The following DPF3 variants were observed in gnomAD, a reference collection of about 807,000 sequenced individuals.
DPF3 encodes zinc finger protein DPF3.
In DPF3, 18 loss-of-function variants were observed where a neutral mutation model predicts 56.8. The observed-to-expected ratio is 0.32, with a 90% CI of 0.22 to 0.47. DPF3 has a LOEUF of 0.47. DPF3 is among the 20% of genes least tolerant of loss of function. The pLI is 1.00. For missense variants in DPF3, 403 were observed against 488.8 expected (o/e 0.82, Z 1.65); for synonymous variants, 188 against 180.2 (o/e 1.04, Z -0.35).
chr14:72,764,601 G>C (rs1035088933), intron 2 of DPF3, among the ~76,000 whole-genome samples: 2 of 138,870 alleles, frequency 1.4e-5, no homozygotes, highest in African/African-American at 5.3e-5. Context: ...CCATTCTCCT[G>C]CCTCAGCCTC....
At chr14:72,822,716 A>AT (rs922298512) in intron 1 of DPF3, among the ~76,000 whole-genome samples, 19 of 151,722 alleles carry the variant, frequency 1.3e-4, no homozygotes, top group East Asian at 9.7e-4. Flanking sequence ...AAAAACACAG[A>AT]TTTTTTTTTA....
intron 1 of DPF3, among the ~76,000 whole-genome samples, chr14:72,816,307 A>G (rs80222747): frequency 6.6e-6 from 1 of 152,178 alleles, no homozygotes; most frequent in African/African-American, 2.4e-5. Flanking sequence ...CCTTAATAAG[A>G]TTGACATTTG....
intron 8 of DPF3, among the ~76,000 whole-genome samples, chr14:72,673,807 C>T (rs1886792091): frequency 6.6e-6 from 1 of 152,186 alleles, no homozygotes; most frequent in South Asian, 2.1e-4. Flanking sequence ...TGTGGTTGCT[C>T]TCCGAATACT....
intron 1 of DPF3, among the ~76,000 whole-genome samples, chr14:72,827,887 G>A (rs1163820526): frequency 6.6e-6 from 1 of 152,100 alleles, no homozygotes; most frequent in Non-Finnish European, 1.5e-5. Context: ...AAGAGCTTTA[G>A]GCTGTAGTAA....
chr14:72,824,358 A>C (rs1883688907), intron 1 of DPF3, among the ~76,000 whole-genome samples: 1 of 152,120 alleles, frequency 6.6e-6, no homozygotes, highest in Non-Finnish European at 1.5e-5. Context: ...GGACACTTTC[A>C]CGTGTCCACA....
chr14:72,662,258 TG>T, intron 8 of DPF3: 32 of 985,410 alleles, frequency 3.2e-5, no homozygotes, highest in Non-Finnish European at 3.9e-5. Context: ...AGAGCAGAGT[TG>T]ATCTTTATTT....
chr14:72,765,806 G>T (rs890561868), intron 2 of DPF3, among the ~76,000 whole-genome samples: 1 of 151,976 alleles, frequency 6.6e-6, no homozygotes, highest in Admixed American at 6.6e-5. Flanking sequence ...ATAATTAGCC[G>T]GGGAGGCTGA....
In DPF3 at chr14:72,890,364, G is replaced by A. The variant is rs560434012; in HGVS notation, c.32+3693C>T. ...AAATTAGCCAGGTGTAGTGGTGCGC[G>A]CCTGTAATCCCAGCTACTCTGGAGG... On this transcript the variant is annotated intron_variant, in intron 1 of 10. Coordinates refer to ENST00000556509, the MANE Select transcript of DPF3 (RefSeq NM_001280542.3). 3.9e-5 allele frequency among the ~76,000 whole-genome samples: 6 copies of A among 152,006 alleles called. No individual in the cohort carries two copies. The South Asian group carries it at 1.0e-3, about 26-fold the overall frequency.
intron 1 of DPF3, among the ~76,000 whole-genome samples, chr14:72,816,639 T>TA (rs1883299979): frequency 6.9e-6 from 1 of 144,732 alleles, no homozygotes. Flanking sequence ...CAGGCATAAA[T>TA]GGAAAAAAAA....
intron 8 of DPF3, among the ~76,000 whole-genome samples, chr14:72,664,299 C>A (rs1886352792): frequency 6.6e-6 from 1 of 152,134 alleles, no homozygotes; most frequent in Non-Finnish European, 1.5e-5. Context: ...TTACCCCACA[C>A]CTTTCAGTTT....
At chr14:72,890,079 T>C (rs1477294426) in intron 1 of DPF3, among the ~76,000 whole-genome samples, 1 of 152,230 alleles carries the variant, frequency 6.6e-6, no homozygotes, top group African/African-American at 2.4e-5. Context: ...CATTCTCAGT[T>C]AAATGCATAC....
intron 1 of DPF3, 57 bp downstream of exon 1, chr14:72,894,000 G>T: frequency 1.3e-6 from 2 of 1,599,172 alleles, no homozygotes; most frequent in South Asian, 1.1e-5. Context: ...CGCAGAAGGC[G>T]CCTTTTTTTT....
rs1030321766 is a variant in DPF3 at position 72,617,632 on chromosome 14, G to A, written c.*1665C>T. On this transcript the variant is annotated 3_prime_UTR_variant, in exon 11 of 11. Coordinates refer to ENST00000556509, the MANE Select transcript of DPF3 (RefSeq NM_001280542.3). Reference sequence around the variant, plus strand: ...TTGCCACAGGTCACTCTGCTGAAGCGTGGGGGAGACCCACACTGCTTGGTT... The same window carrying A: ...TTGCCACAGGTCACTCTGCTGAAGCATGGGGGAGACCCACACTGCTTGGTT... Among the ~76,000 whole-genome samples the A allele has an allele frequency of 3.3e-5, 5 of 152,196 alleles. No homozygotes were observed. Among genetic ancestry groups the A allele is most frequent in the Non-Finnish European group, 4.4e-5 (3 of 68,046 alleles).
intron 1 of DPF3, among the ~76,000 whole-genome samples, chr14:72,869,154 T>C (rs1479218969): frequency 1.3e-5 from 2 of 152,334 alleles, no homozygotes; most frequent in African/African-American, 4.8e-5. Context: ...TGGGATCAAA[T>C]GTTTCCTCTT....
chr14:72,862,532 G>A (rs1885479505), intron 1 of DPF3, among the ~76,000 whole-genome samples: 1 of 152,074 alleles, frequency 6.6e-6, no homozygotes, highest in Non-Finnish European at 1.5e-5. Context: ...CAACTCAGCA[G>A]CCAGAGTGAT....
rs1177444984 is a variant in DPF3 at position 72,892,962 on chromosome 14, AGGAAGGAAG to A, written c.32+1086_32+1094del. ...CTGACTGGAAGGAAGGAAGGAAGGA[AGGAAGGAAG>A]GAAGGAAGGAAGGAAGGAAGGAAGG... On this transcript the variant is annotated intron_variant, in intron 1 of 10. Coordinates refer to ENST00000556509, the MANE Select transcript of DPF3 (RefSeq NM_001280542.3). 5.4e-3 allele frequency among the ~76,000 whole-genome samples: 292 copies of A among 54,040 alleles called. 10 individuals are homozygous for A. The highest frequency in any genetic ancestry group is 0.028 in the African/African-American group (270 of 9,806). 35.5% of individuals were successfully genotyped at this position (54,040 alleles called of 152,430 possible). A position where few individuals can be genotyped will look rare whatever the true frequency, so the allele number is the denominator to read the frequency against.
chr14:72,746,848 G>T (rs115443479), intron 3 of DPF3, among the ~76,000 whole-genome samples: 287 of 152,358 alleles, frequency 1.9e-3, no homozygotes, highest in African/African-American at 6.6e-3. Context: ...TGCAGGTGGG[G>T]ACTTGGCTAT....
rs566521152 is a variant in DPF3 at position 72,789,242 on chromosome 14, C to G, written c.33-17349G>C. Among the ~76,000 whole-genome samples the G allele has an allele frequency of 5.9e-5, 9 of 152,252 alleles. No individual in the cohort carries two copies. The South Asian group carries it at 1.9e-3, about 32-fold the overall frequency. ...GGACAGTGCCCTCCCTGCTTAGAAACAGGAACCACATTTCATCTCCACAAC... is the reference window on the plus strand; with the variant it reads ...GGACAGTGCCCTCCCTGCTTAGAAAGAGGAACCACATTTCATCTCCACAAC... On this transcript the variant is annotated intron_variant, in intron 1 of 10. Transcript: ENST00000556509.
At position 72,739,938 on chromosome 14, in the gene DPF3, A is replaced by G. The variant is rs866891530; in HGVS notation, c.302-8004T>C. Among the ~76,000 whole-genome samples the G allele has an allele frequency of 7.2e-5, 11 of 152,332 alleles. No homozygotes were observed. In the Middle Eastern group the frequency reaches 0.014, roughly 188 times the overall value. On this transcript the variant is annotated intron_variant, in intron 3 of 10. Coordinates refer to ENST00000556509, the MANE Select transcript of DPF3 (RefSeq NM_001280542.3). ...CATGAAGCAAACAAGTGAAACCTTC[A>G]GTGTGACAGATGGTAATCAGTGCTT...
Sources: allele counts gnomAD v4.1 joint callset (sites outside exome capture counted in the v4.1 genomes callset), GRCh38; gene constraint gnomAD v4.1.1; transcripts MANE v1.5; gene names NCBI Gene and HGNC (gene_info 2026-07-23, HGNC 2026-07-21).